Variants in TRIP13 observed in about 807,000 individuals in gnomAD.
TRIP13 encodes pachytene checkpoint protein 2 homolog.
A neutral mutation model predicts 54.4 loss-of-function variants in TRIP13; 25 were observed. The ratio of observed to expected loss-of-function variants is 0.46; its 90% confidence interval spans 0.33 to 0.64. The LOEUF is 0.64. TRIP13 is among the 30% of genes least tolerant of loss of function. The pLI, the probability that TRIP13 is intolerant of heterozygous loss-of-function variation, is 0.02. For synonymous variants in TRIP13, 207 were observed against 207.8 expected (o/e 1.00, Z 0.03); for missense variants, 373 against 534.2 (o/e 0.70, Z 2.97).
Position 893,007 on chromosome 5 carries a change from G to A in TRIP13, c.9G>A (p.Glu3=). The part of the protein sequence containing the change: MD[E]AVGDLKQALP... ...CTGCTCTCGGGGGCGCCATGGACGA[G>A]GCCGTGGGCGACCTGAAGCAGGCGC... Residue 3 remains glutamate, a synonymous_variant, in exon 1 of 13, where the codon GAG becomes GAA. Transcript: ENST00000166345. The A allele has an allele frequency of 1.9e-6, 3 of 1,560,610 alleles. No homozygotes were observed. Among genetic ancestry groups the A allele is most frequent in the South Asian group, 2.4e-5 (2 of 84,980 alleles).
At chr5:903,848 A>T (rs1417868634) in intron 5 of TRIP13, among the ~76,000 whole-genome samples, 1 of 152,228 alleles carries the variant, frequency 6.6e-6, no homozygotes, top group African/African-American at 2.4e-5. Context: ...TGCAATGTTC[A>T]TTCCCGACGC....
rs922516490 is a variant in TRIP13 at position 912,555 on chromosome 5, T to C, written c.1020+559T>C. ...GGCAGAGCGACGCGTGCGGGGAGCG[T>C]GTGTGAGTCAGGAGGGCCGTCGCCA... is the stretch of plus-strand genomic sequence containing the variant. On this transcript the variant is annotated intron_variant, in intron 10 of 12. Transcript: ENST00000166345. This position sits in a 1 kb window ranked among gnomAD's most constrained non-coding sequence, Gnocchi z 7.2. Among the ~76,000 whole-genome samples the C allele has an allele frequency of 8.4e-5, 12 of 142,162 alleles. No homozygotes were observed. Among genetic ancestry groups the C allele is most frequent in the Admixed American group, 6.8e-4 (10 of 14,702 alleles). 93.3% of individuals were successfully genotyped at this position (142,162 alleles called of 152,430 possible).
At chr5:905,907 T>A (rs1050362500) in intron 6 of TRIP13, among the ~76,000 whole-genome samples, 1 of 152,242 alleles carries the variant, frequency 6.6e-6, no homozygotes, top group Non-Finnish European at 1.5e-5. Context: ...TTGAAATACA[T>A]GTGTGTTTTC....
In TRIP13 at chr5:907,119, T is replaced by G; in HGVS notation, c.609-11T>G. 1.2e-6 allele frequency: 2 copies of G among 1,613,822 alleles called. No homozygotes were observed. Among genetic ancestry groups the G allele is most frequent in the Non-Finnish European group, 1.7e-6 (2 of 1,179,764 alleles). On this transcript the variant is annotated splice_polypyrimidine_tract_variant and intron_variant, in intron 6 of 12. Coordinates refer to ENST00000166345, the MANE Select transcript of TRIP13 (RefSeq NM_004237.4). The surrounding 1 kb of genome is among the most constrained non-coding windows in gnomAD (Gnocchi z 4.1). The stretch of plus-strand genomic sequence containing the variant: ...GTTAGTAATTCTCTCAACTCCTTTT[T>G]TCTATCTCAGGTACCGATATGGCCA...
intron 1 of TRIP13, among the ~76,000 whole-genome samples, chr5:894,270 C>G (rs574086718): frequency 6.6e-6 from 1 of 152,184 alleles, no homozygotes; most frequent in Admixed American, 6.5e-5. Flanking sequence ...GATCCGGGAC[C>G]AGGTCACTGT....
At chr5:910,459 C>T (rs918397560) in intron 9 of TRIP13, among the ~76,000 whole-genome samples, 12 of 152,108 alleles carry the variant, frequency 7.9e-5, no homozygotes, top group Non-Finnish European at 1.2e-4. Flanking sequence ...CTTAGATGCC[C>T]GGGATGCCAG....
chr5:896,571 G>C lies in TRIP13; in HGVS notation c.259-94G>C, dbSNP rs1187200591. 1.3e-5 allele frequency: 18 copies of C among 1,376,336 alleles called. No homozygotes were observed. The East Asian group carries it at 4.0e-4, about 31-fold the overall frequency. 85.3% of individuals were successfully genotyped at this position (1,376,336 alleles called of 1,614,324 possible). On this transcript the variant is annotated intron_variant, in intron 2 of 12. Transcript: ENST00000166345. ...TAGCTTTGATTATACTGTACATTCA[G>C]TTTTTATTTGTAGACCTTAACATCT...
chr5:904,037 T>A, intron 5 of TRIP13, 111 bp from the exon 6 acceptor site: 1 of 952,966 alleles, frequency 1.0e-6, no homozygotes. Context: ...ATAACATTAA[T>A]AGCTTTTAAC....
rs1459293269 is a variant in TRIP13, at chr5:894,812, C to T, written c.118C>T (p.Leu40=). The T allele has an allele frequency of 1.9e-6, 3 of 1,609,724 alleles. No homozygotes were observed. The highest frequency in any genetic ancestry group is 1.7e-6 in the Non-Finnish European group (2 of 1,178,388). Reference sequence around the variant, plus strand: ...CACTGCAAAGAAAGAAGACATAAACCTGAGTGTTAGAAAGCTACTCAACAG... The same window carrying T: ...CACTGCAAAGAAAGAAGACATAAACTTGAGTGTTAGAAAGCTACTCAACAG... ...SSTAKKEDIN[L]SVRKLLNRHN... is the part of the protein sequence containing the mutation. The change falls in exon 2 of 13, where the codon CTG becomes TTG. Residue 40 remains leucine (L), a synonymous_variant. Transcript: ENST00000166345.
At chr5:895,514 C>G (rs1227497841) in intron 2 of TRIP13, among the ~76,000 whole-genome samples, 1 of 152,178 alleles carries the variant, frequency 6.6e-6, no homozygotes, top group African/African-American at 2.4e-5. Context: ...CAGTACAATT[C>G]CTGTCCTGTA....
chr5:895,396 C>T (rs993184413), intron 2 of TRIP13, among the ~76,000 whole-genome samples: 1 of 152,106 alleles, frequency 6.6e-6, no homozygotes, highest in Admixed American at 6.5e-5. Flanking sequence ...TGAGTTGATG[C>T]GTATGGGTTA....
intron 2 of TRIP13, among the ~76,000 whole-genome samples, 184 bp from the exon 3 acceptor site, chr5:896,481 A>T (rs1753917617): frequency 6.6e-6 from 1 of 152,242 alleles, no homozygotes; most frequent in Non-Finnish European, 1.5e-5. Context: ...GATGGGTATT[A>T]GCTTTCAAAA....
rs951392448 is a variant in TRIP13 at position 892,924 on chromosome 5, G to T, written c.-75G>T. ...GCGGGGCCCGCGGGCTGAGGCAGCG[G>T]CTGTGGCGGCGACGCTGGGCGTGAG... On this transcript the variant is annotated 5_prime_UTR_variant, in exon 1 of 13. Coordinates refer to ENST00000166345, the MANE Select transcript of TRIP13 (RefSeq NM_004237.4). The T allele has an allele frequency of 1.0e-5, 14 of 1,340,156 alleles. No homozygotes were observed. In the African/African-American group the frequency reaches 1.6e-4, roughly 15 times the overall value. The allele number at this position is 1,340,156 out of a possible 1,614,324, so 83.0% of individuals were successfully genotyped here. A position where few individuals can be genotyped will look rare whatever the true frequency, so the allele number is the denominator to read the frequency against.
At chr5:916,286 C>A (rs1754339638) in intron 12 of TRIP13, among the ~76,000 whole-genome samples, 1 of 152,226 alleles carries the variant, frequency 6.6e-6, no homozygotes, top group Non-Finnish European at 1.5e-5. Context: ...TGTGCTCTTT[C>A]AGTCTGGGTT....
At chr5:896,821 G>A (rs1377095690) in intron 3 of TRIP13, 27 bp downstream of exon 3, 1 of 1,608,596 alleles carries the variant, frequency 6.2e-7, no homozygotes, top group Non-Finnish European at 8.5e-7. Flanking sequence ...GAGTTGAAGG[G>A]GAGGCTGAGG....
At chr5:893,161 C>T (rs924376387) in intron 1 of TRIP13, 71 bp downstream of exon 1, 2 of 1,404,872 alleles carry the variant, frequency 1.4e-6, no homozygotes, top group Non-Finnish European at 1.9e-6. Flanking sequence ...CACCGAGCCC[C>T]GACCCCAGCG....
In TRIP13 at chr5:908,513, CA is replaced by C. The variant is rs1560948466; in HGVS notation, c.866+55del. ...CTGAGAAGTGATGAGAAGTTTGTCCCAAAGAAATGCGTGATACTTGTGCAAC... is the reference window on the plus strand; with the variant it reads ...CTGAGAAGTGATGAGAAGTTTGTCCCAAGAAATGCGTGATACTTGTGCAAC... On this transcript the variant is annotated intron_variant, in intron 9 of 12. Coordinates refer to ENST00000166345, the MANE Select transcript of TRIP13 (RefSeq NM_004237.4). This position sits in a 1 kb window ranked among gnomAD's most constrained non-coding sequence, Gnocchi z 5.2. The C allele has an allele frequency of 1.2e-6, 2 of 1,606,066 alleles. No individual in the cohort carries two copies. Among genetic ancestry groups the C allele is most frequent in the South Asian group, 2.2e-5 (2 of 90,846 alleles).
chr5:902,770 G>A (rs1754021059), intron 5 of TRIP13, among the ~76,000 whole-genome samples: 1 of 152,202 alleles, frequency 6.6e-6, no homozygotes, highest in African/African-American at 2.4e-5. Context: ...TTGGATACAA[G>A]ACAAAGGGGC....
Position 904,223 on chromosome 5 carries a change from A to G in TRIP13, c.608+3A>G, listed in dbSNP as rs747615734. The G allele has an allele frequency of 1.2e-6, 2 of 1,606,520 alleles. No homozygotes were observed. The highest frequency in any genetic ancestry group is 8.5e-7 in the Non-Finnish European group (1 of 1,177,630). Reference sequence around the variant, plus strand: ...TTGACAATTAGACTTTCAAGCAGGTAACTTTCGGTAATCTGTGAGAGGAGA... The same window carrying G: ...TTGACAATTAGACTTTCAAGCAGGTGACTTTCGGTAATCTGTGAGAGGAGA... On this transcript the variant is annotated splice_donor_region_variant and intron_variant, in intron 6 of 12. Transcript: ENST00000166345.
Sources: gnomAD v4.1 joint callset for allele counts (sites outside exome capture counted in the v4.1 genomes callset) on GRCh38, gnomAD v4.1.1 for gene constraint, Gnocchi (gnomAD v3.1) non-coding constraint, MANE v1.5 for transcripts, NCBI Gene and HGNC (gene_info 2026-07-23, HGNC 2026-07-21) for gene names.